Variants in GRK3 observed in about 807,000 individuals in gnomAD.
GRK3 encodes adrenergic, beta, receptor kinase 2.
In GRK3, 54 loss-of-function variants were observed where a neutral mutation model predicts 95.7. The observed-to-expected ratio is 0.56, with a 90% CI of 0.45 to 0.71. The LOEUF (loss-of-function observed/expected upper bound fraction) is 0.71, where lower values mean the gene tolerates loss of function less well. GRK3 is among the 30% of genes least tolerant of loss of function. The pLI is 0.00. For missense variants in GRK3, 649 were observed against 851.2 expected (o/e 0.76, Z 2.96); for synonymous variants, 281 against 290.8 (o/e 0.97, Z 0.34).
rs747655036 is a variant in GRK3 at position 25,704,105 on chromosome 22, C to G, written c.1228-4C>G. The stretch of plus-strand genomic sequence containing the variant: ...TTTTGAAATCTTACTCGTCTTTTCC[C>G]CAGAATGTGGAACTTCCAGACACCT... On this transcript the variant is annotated splice_region_variant and splice_polypyrimidine_tract_variant and intron_variant, in intron 14 of 20. Coordinates refer to ENST00000324198, the MANE Select transcript of GRK3 (RefSeq NM_005160.4). 7.5e-6 allele frequency: 12 copies of G among 1,608,026 alleles called. 1 individual carries two copies. The South Asian group carries it at 1.2e-4, about 16-fold the overall frequency.
intron 1 of GRK3, among the ~76,000 whole-genome samples, chr22:25,566,378 T>C (rs1206540615): frequency 1.3e-5 from 2 of 152,238 alleles, no homozygotes; most frequent in African/African-American, 4.8e-5. Flanking sequence ...GTGATCATCA[T>C]CTGATTTTTT....
intron 5 of GRK3, among the ~76,000 whole-genome samples, chr22:25,664,214 A>G (rs1275069618): frequency 6.6e-6 from 1 of 152,226 alleles, no homozygotes; most frequent in Non-Finnish European, 1.5e-5. Flanking sequence ...ACAGGTTTAA[A>G]TGACAAGACT....
intron 9 of GRK3, among the ~76,000 whole-genome samples, chr22:25,683,245 T>C (rs1354695041): frequency 1.3e-5 from 2 of 152,280 alleles, no homozygotes; most frequent in Non-Finnish European, 2.9e-5. Context: ...TTCTAGTGTA[T>C]AAATATACCA....
At chr22:25,609,336 C>CTT (rs751467740) in intron 2 of GRK3, among the ~76,000 whole-genome samples, 2 of 141,598 alleles carry the variant, frequency 1.4e-5, no homozygotes, top group South Asian at 2.3e-4. Flanking sequence ...AAAACAGATC[C>CTT]TTTTTTTTTT....
intron 8 of GRK3, among the ~76,000 whole-genome samples, chr22:25,675,313 G>C (rs935033911): frequency 6.6e-6 from 1 of 152,196 alleles, no homozygotes; most frequent in Non-Finnish European, 1.5e-5. Context: ...AAGCCCTGTG[G>C]ACAATGATCA....
At chr22:25,695,443 A>C (rs985716772) in intron 13 of GRK3, among the ~76,000 whole-genome samples, 1 of 152,206 alleles carries the variant, frequency 6.6e-6, no homozygotes, top group Non-Finnish European at 1.5e-5. Flanking sequence ...ACCATGTAGG[A>C]ATCAGAATTC....
intron 2 of GRK3, among the ~76,000 whole-genome samples, chr22:25,640,873 C>A (rs1487633927): frequency 6.6e-6 from 1 of 152,170 alleles, no homozygotes; most frequent in Non-Finnish European, 1.5e-5. Flanking sequence ...TGTTAGGTCA[C>A]CATTTTTTAC....
At chr22:25,660,087 A>G (rs2084900087) in intron 3 of GRK3, among the ~76,000 whole-genome samples, 1 of 152,218 alleles carries the variant, frequency 6.6e-6, no homozygotes, top group Non-Finnish European at 1.5e-5. Flanking sequence ...ATTTTATCCT[A>G]GCATTCTGGC....
intron 2 of GRK3, among the ~76,000 whole-genome samples, chr22:25,608,113 TA>T (rs2084466780): frequency 6.6e-6 from 1 of 152,240 alleles, no homozygotes; most frequent in African/African-American, 2.4e-5. Flanking sequence ...AATCATTGTC[TA>T]AATCAGTTAT....
intron 3 of GRK3, chr22:25,648,457 A>C: frequency 7.6e-7 from 1 of 1,324,042 alleles, no homozygotes; most frequent in Non-Finnish European, 1.1e-6. Flanking sequence ...AAACTAGGAC[A>C]AGGATGTTTT....
chr22:25,597,359 GAA>G (rs1391270652), intron 1 of GRK3, among the ~76,000 whole-genome samples: 1 of 152,102 alleles, frequency 6.6e-6, no homozygotes, highest in Non-Finnish European at 1.5e-5. Context: ...CTAGATAAGA[GAA>G]ATACATTCTA....
intron 2 of GRK3, among the ~76,000 whole-genome samples, chr22:25,630,818 G>A (rs188411713): frequency 1.3e-5 from 2 of 152,166 alleles, no homozygotes; most frequent in Non-Finnish European, 2.9e-5. Context: ...GGAAGAATAC[G>A]TATGTGTTGA....
intron 16 of GRK3, 40 bp downstream of exon 16, chr22:25,710,004 C>T (rs771113251): frequency 3.9e-5 from 53 of 1,359,966 alleles, no homozygotes; most frequent in Non-Finnish European, 5.5e-5. Flanking sequence ...GTACTGCCGC[C>T]CCGCCCTTAC....
intron 3 of GRK3, chr22:25,647,185 A>AC: frequency 2.2e-5 from 1 of 44,598 alleles, no homozygotes; most frequent in Non-Finnish European, 4.7e-5. Flanking sequence ...CCTCACCTCC[A>AC]CCCACCGCCC....
rs1442298384 is a variant in GRK3 at position 25,725,476 on chromosome 22, G to A, written c.*3026G>A. ...ATTTTTAACCTAAAACATTCTCTTT[G>A]GTTCATTCATCCCCTCATGTCATGG... On this transcript the variant is annotated 3_prime_UTR_variant, in exon 21 of 21. Coordinates refer to ENST00000324198, the MANE Select transcript of GRK3 (RefSeq NM_005160.4). 1.3e-5 allele frequency: 5 copies of A among 398,204 alleles called. No homozygotes were observed. The highest frequency in any genetic ancestry group is 2.2e-5 in the Non-Finnish European group (5 of 225,980). 24.7% of individuals were successfully genotyped at this position (398,204 alleles called of 1,614,324 possible). A position where few individuals can be genotyped will look rare whatever the true frequency, so the allele number is the denominator to read the frequency against.
rs201458533 is a variant in GRK3, at chr22:25,687,676, G to T, written c.957+9G>T. On this transcript the variant is annotated intron_variant, in intron 11 of 20. Transcript: ENST00000324198. ...TCTACAGAGATTTGAAGGTGAGGAC[G>T]ATTGACAGACTCATTCTGCATAGTA... The T allele has an allele frequency of 1.9e-6, 3 of 1,613,988 alleles. No individual in the cohort carries two copies. The highest frequency in any genetic ancestry group is 1.7e-6 in the Non-Finnish European group (2 of 1,179,922).
chr22:25,695,184 T>A lies in GRK3; in HGVS notation c.1130T>A (p.Leu377Gln). 1.2e-6 allele frequency: 2 copies of A among 1,614,164 alleles called. No homozygotes were observed. The highest frequency in any genetic ancestry group is 1.7e-6 in the Non-Finnish European group (2 of 1,179,976). Reference sequence around the variant, plus strand: ...GACAGCAGTGCCGACTGGTTCTCCCTGGGCTGCATGCTTTTCAAACTTCTG... The same window carrying A: ...GACAGCAGTGCCGACTGGTTCTCCCAGGGCTGCATGCTTTTCAAACTTCTG... ...AYDSSADWFS[L>Q]GCMLFKLLRG... is the part of the protein sequence containing the mutation. Residue 377 changes from leucine to glutamine, a missense_variant, in exon 13 of 21, where the codon CTG becomes CAG. Physicochemically the swap from Leu to Gln is moderately radical, Grantham distance 113. This residue lies in a region of GRK3 where 382 missense variants were observed against 493.8 expected (regional missense o/e 0.77). Coordinates refer to ENST00000324198, the MANE Select transcript of GRK3 (RefSeq NM_005160.4).
chr22:25,618,507 A>G (rs1023603577), intron 2 of GRK3, among the ~76,000 whole-genome samples: 2 of 152,184 alleles, frequency 1.3e-5, no homozygotes, highest in Non-Finnish European at 2.9e-5. Context: ...AATCTGCTTG[A>G]GACTGCTTTT....
Position 25,624,541 on chromosome 22 carries a change from G to T in GRK3, c.191-20051G>T, listed in dbSNP as rs536800890. On this transcript the variant is annotated intron_variant, in intron 2 of 20. Transcript: ENST00000324198. ...ATCACGCCACTGCATTCCAGCCTGGGTGACAGAGTGAGACTCCATCATTAA... is the reference window on the plus strand; with the variant it reads ...ATCACGCCACTGCATTCCAGCCTGGTTGACAGAGTGAGACTCCATCATTAA... Among the ~76,000 whole-genome samples, 5 of 152,094 alleles carry T rather than the reference G, an allele frequency of 3.3e-5. No homozygotes were observed. The South Asian group carries it at 6.2e-4, about 19-fold the overall frequency.
Sources: gnomAD v4.1 joint callset for allele counts (sites outside exome capture counted in the v4.1 genomes callset) on GRCh38, gnomAD v4.1.1 for gene constraint, gnomAD v4.1.1 regional missense constraint, MANE v1.5 for transcripts, NCBI Gene and HGNC (gene_info 2026-07-23, HGNC 2026-07-21) for gene names.